Variants in PYGB observed in about 807,000 individuals in gnomAD.
PYGB encodes glycogen phosphorylase B.
A neutral mutation model predicts 94.3 loss-of-function variants in PYGB; 82 were observed. That is an observed-to-expected ratio of 0.87 (90% CI 0.73 to 1.04). PYGB has a LOEUF of 1.04. Among genes scored for constraint, PYGB ranks in the 50% least tolerant of loss-of-function variants. The probability of loss-of-function intolerance (pLI) is 0.00; values close to 1 mark genes in which losing one functional copy is unlikely to be tolerated. For missense variants in PYGB, 1,132 were observed against 1,158.2 expected, an observed-to-expected ratio of 0.98 and a Z score of 0.33; for synonymous variants, 488 against 479.1, an observed-to-expected ratio of 1.02 and a Z score of -0.24.
rs202044191 is a variant in PYGB, at chr20:25,292,580, G to T, written c.2144G>T (p.Arg715Leu). The T allele has an allele frequency of 7.4e-6, 12 of 1,612,704 alleles. No homozygotes were observed. In the Admixed American group the frequency reaches 2.0e-4, roughly 27 times the overall value. The change falls in exon 17 of 20, where the codon CGG (arginine) becomes CTG (leucine). Residue 715 changes from arginine to leucine, a missense_variant. By Grantham distance (102) the Arg-to-Leu change is moderately radical (BLOSUM62 -2). Coordinates refer to ENST00000216962, the MANE Select transcript of PYGB (RefSeq NM_002862.4). ...GAGAACCTCTTCATCTTCGGCCTGCGGGTGGAGGATGTCGAGGCCTTGGAC... is the reference window on the plus strand; with the variant it reads ...GAGAACCTCTTCATCTTCGGCCTGCTGGTGGAGGATGTCGAGGCCTTGGAC... ...GAENLFIFGLRVEDVEALDRK... is the reference protein window; with the variant it reads ...GAENLFIFGLLVEDVEALDRK...
intron 12 of PYGB, among the ~76,000 whole-genome samples, 161 bp downstream of exon 12, chr20:25,282,308 G>C (rs1190756584): frequency 1.3e-5 from 2 of 152,246 alleles, no homozygotes; most frequent in Non-Finnish European, 2.9e-5. Flanking sequence ...CTGAACATGG[G>C]CGCTGAGCTG....
At chr20:25,289,984 A>C in intron 15 of PYGB, 1 of 532,330 alleles carries the variant, frequency 1.9e-6, no homozygotes, top group Non-Finnish European at 3.9e-6. Flanking sequence ...GACATTTCTA[A>C]AAGTTGGTCT....
intron 1 of PYGB, among the ~76,000 whole-genome samples, chr20:25,254,267 A>T (rs180886365): frequency 2.0e-4 from 31 of 152,302 alleles, no homozygotes; most frequent in African/African-American, 7.2e-4. Context: ...TAATAAATAC[A>T]AATAAAATGC....
At chr20:25,283,606 A>G (rs1175917387) in intron 13 of PYGB, among the ~76,000 whole-genome samples, 1 of 152,104 alleles carries the variant, frequency 6.6e-6, no homozygotes, top group Non-Finnish European at 1.5e-5. Flanking sequence ...CCAGCGTGGT[A>G]CCCTCTTTGC....
At position 25,294,240 on chromosome 20, in the gene PYGB, A is replaced by C. The variant is rs202075756; in HGVS notation, c.2260A>C (p.Lys754Gln). The change falls in exon 18 of 20, where the codon AAG (lysine) becomes CAG (glutamine). Residue 754 changes from lysine to glutamine, a missense_variant. Physicochemically the swap from Lys to Gln is moderately conservative, Grantham distance 53. Coordinates refer to ENST00000216962, the MANE Select transcript of PYGB (RefSeq NM_002862.4). ...GATCAGCAGTGGCTTTTTTTCTCCC[A>C]AGGAGCCAGACTGCTTCAAGGACAT... is the stretch of plus-strand genomic sequence containing the variant. Reference protein sequence around the residue: ...DQISSGFFSPKEPDCFKDIVN... With the variant: ...DQISSGFFSPQEPDCFKDIVN... 1.9e-6 allele frequency: 3 copies of C among 1,598,228 alleles called. No individual in the cohort carries two copies. In the East Asian group the frequency reaches 6.8e-5, roughly 36 times the overall value.
chr20:25,255,545 C>T (rs1023784608), intron 1 of PYGB, among the ~76,000 whole-genome samples: 1 of 152,198 alleles, frequency 6.6e-6, no homozygotes, highest in African/African-American at 2.4e-5. Flanking sequence ...GGACACTCTG[C>T]CCTGTGAGTC....
intron 7 of PYGB, 122 bp from the exon 8 acceptor site, chr20:25,278,197 G>A (rs2088330787): frequency 1.6e-5 from 19 of 1,154,692 alleles, no homozygotes; most frequent in Non-Finnish European, 2.1e-5. Context: ...CCAGTGTCAG[G>A]CAGCTGGGCT....
chr20:25,280,343 G>A lies in PYGB; in HGVS notation c.1170G>A (p.Val390=). 6.2e-7 allele frequency: 1 copy of A among 1,614,148 alleles called. No individual in the cohort carries two copies. The highest frequency in any genetic ancestry group is 8.5e-7 in the Non-Finnish European group (1 of 1,179,964). ...CTGAGGCCTTGGAGCGCTGGCCCGT[G>A]TCCATGTTTGAGAAGCTGCTGCCGC... ...VLPEALERWP[V]SMFEKLLPRH... The change falls in exon 10 of 20, where the codon GTG becomes GTA. Residue 390 remains valine (V), a synonymous_variant. Coordinates refer to ENST00000216962, the MANE Select transcript of PYGB (RefSeq NM_002862.4).
chr20:25,288,419 C>T lies in PYGB; in HGVS notation c.1769-6C>T, dbSNP rs1419157906. On this transcript the variant is annotated splice_region_variant and splice_polypyrimidine_tract_variant and intron_variant, in intron 14 of 19. Coordinates refer to ENST00000216962, the MANE Select transcript of PYGB (RefSeq NM_002862.4). ...CTTGTGTGAGTCTCTTCCGTGTGTC[C>T]TGCAGGAATCAAGAGAGACCCGGCC... is the stretch of plus-strand genomic sequence containing the variant. 2 of 1,614,056 alleles carry T rather than the reference C, an allele frequency of 1.2e-6. No individual in the cohort carries two copies. Among genetic ancestry groups the T allele is most frequent in the Admixed American group, 1.7e-5 (1 of 60,014 alleles).
chr20:25,277,098 G>A, intron 6 of PYGB, 146 bp from the exon 7 acceptor site: 1 of 666,988 alleles, frequency 1.5e-6, no homozygotes, highest in Non-Finnish European at 2.7e-6. Flanking sequence ...TACCTCCAGG[G>A]ATGGGGGTGA....
At chr20:25,282,535 T>C (rs1237315603) in intron 12 of PYGB, among the ~76,000 whole-genome samples, 1 of 152,226 alleles carries the variant, frequency 6.6e-6, no homozygotes, top group African/African-American at 2.4e-5. Context: ...GGCCCTGCGC[T>C]ACAGGCAAGG....
chr20:25,250,994 CATT>C (rs1366375856), intron 1 of PYGB: 3 of 152,116 alleles, frequency 2.0e-5, no homozygotes, highest in African/African-American at 7.2e-5. Context: ...CATAAAATAA[CATT>C]ATACTGAACC....
rs753761168 is a variant in PYGB, at chr20:25,274,735, G to A, written c.660+12G>A. 2 of 1,610,520 alleles carry A rather than the reference G, an allele frequency of 1.2e-6. No individual in the cohort carries two copies. The highest frequency in any genetic ancestry group is 1.7e-6 in the Non-Finnish European group (2 of 1,179,150). ...GGCTGGACACACAGGTACCTGGGCT[G>A]AAATGTCTGCGGGCAAGGCTGGAGC... On this transcript the variant is annotated intron_variant, in intron 5 of 19. Coordinates refer to ENST00000216962, the MANE Select transcript of PYGB (RefSeq NM_002862.4).
At chr20:25,284,645 C>T (rs559737343) in intron 14 of PYGB, among the ~76,000 whole-genome samples, 67 of 152,290 alleles carry the variant, frequency 4.4e-4, no homozygotes, top group South Asian at 3.7e-3. Context: ...AGGCTGGTCT[C>T]GAACTCCTGG....
chr20:25,262,665 T>TAAAAGAC (rs879331202), intron 2 of PYGB, among the ~76,000 whole-genome samples: 1 of 147,772 alleles, frequency 6.8e-6, no homozygotes, highest in African/African-American at 2.7e-5. Flanking sequence ...ATGCTCCATT[T>TAAAAGAC]TGACTTGACT....
At chr20:25,270,099 C>T (rs1343261220) in intron 3 of PYGB, among the ~76,000 whole-genome samples, 2 of 152,108 alleles carry the variant, frequency 1.3e-5, no homozygotes, top group African/African-American at 4.8e-5. Flanking sequence ...GAGGGCCTGA[C>T]AGGCATCTGT....
chr20:25,270,888 C>T (rs988817289), intron 3 of PYGB, among the ~76,000 whole-genome samples: 5 of 152,224 alleles, frequency 3.3e-5, no homozygotes, highest in East Asian at 1.9e-4. Context: ...CGTGCTATAG[C>T]GCCTTGGGGC....
chr20:25,274,937 A>C (rs1300268119), intron 5 of PYGB, among the ~76,000 whole-genome samples: 1 of 152,252 alleles, frequency 6.6e-6, no homozygotes, highest in Non-Finnish European at 1.5e-5. Context: ...TGAGCACAGC[A>C]GCGAGACTCC....
chr20:25,252,824 G>A (rs1202638157), intron 1 of PYGB, among the ~76,000 whole-genome samples: 1 of 152,210 alleles, frequency 6.6e-6, no homozygotes, highest in Non-Finnish European at 1.5e-5. Context: ...TTGGCCATTG[G>A]TGATGAGCTC....
Sources: gnomAD v4.1 joint callset for allele counts (sites outside exome capture counted in the v4.1 genomes callset) on GRCh38, gnomAD v4.1.1 for gene constraint, MANE v1.5 for transcripts, NCBI Gene and HGNC (gene_info 2026-07-23, HGNC 2026-07-21) for gene names.